The following SYT14 variants were observed in gnomAD, a reference collection of about 807,000 sequenced individuals.
SYT14 encodes synaptotagmin-14.
A neutral mutation model predicts 74.2 loss-of-function variants in SYT14; 32 were observed. The observed-to-expected ratio is 0.43, with a 90% CI of 0.33 to 0.58. The LOEUF (loss-of-function observed/expected upper bound fraction) is 0.58. Ranked by LOEUF, SYT14 falls within the 20% of genes least tolerant of loss-of-function variation. The pLI is 0.05. For missense variants in SYT14, 791 were observed against 981.8 expected (o/e 0.81, Z 2.60); for synonymous variants, 298 against 337.7 (o/e 0.88, Z 1.29).
chr1:210,043,260 C>A (rs1191736024), intron 5 of SYT14, among the ~76,000 whole-genome samples: 1 of 151,984 alleles, frequency 6.6e-6, no homozygotes, highest in Non-Finnish European at 1.5e-5. Context: ...AGAAATGATA[C>A]CTTTCCATTA....
At chr1:210,125,720 C>T (rs1022112657) in intron 7 of SYT14, among the ~76,000 whole-genome samples, 4 of 152,112 alleles carry the variant, frequency 2.6e-5, no homozygotes, top group Non-Finnish European at 5.9e-5. Flanking sequence ...TTCACTGATT[C>T]CTGACTGATG....
chr1:209,994,686 C>T (rs961344369), intron 2 of SYT14, among the ~76,000 whole-genome samples: 1 of 152,062 alleles, frequency 6.6e-6, no homozygotes, highest in African/African-American at 2.4e-5. Context: ...AGCACATAGC[C>T]ATCAGATTCA....
At chr1:209,957,514 C>T (rs543585496) in intron 2 of SYT14, among the ~76,000 whole-genome samples, 1 of 152,174 alleles carries the variant, frequency 6.6e-6, no homozygotes, top group African/African-American at 2.4e-5. Flanking sequence ...GCAATCTCCA[C>T]CTCCTGGGTT....
chr1:210,136,846 A>G (rs2082796426), intron 7 of SYT14, among the ~76,000 whole-genome samples: 1 of 152,186 alleles, frequency 6.6e-6, no homozygotes. Flanking sequence ...GCAGACTGTT[A>G]GAAGGATCAT....
At chr1:210,015,842 T>G in exon 4 of SYT14, 1 of 1,193,442 alleles carries the variant, frequency 8.4e-7, no homozygotes, top group South Asian at 4.4e-5. Context: ...TTTCAATGCA[T>G]AATGTATTTA....
chr1:210,103,948 A>G (rs2082115506), intron 7 of SYT14, among the ~76,000 whole-genome samples: 1 of 152,192 alleles, frequency 6.6e-6, no homozygotes. Flanking sequence ...CTACCTCCCT[A>G]AGGTAAGCCA....
chr1:209,970,526 G>A lies in SYT14; in HGVS notation c.-486+17770G>A, dbSNP rs1466756662. Among the ~76,000 whole-genome samples the A allele has an allele frequency of 2.6e-5, 4 of 151,866 alleles. No homozygotes were observed. The South Asian group carries it at 6.2e-4, about 24-fold the overall frequency. On this transcript the variant is annotated intron_variant, in intron 2 of 9. Coordinates refer to ENST00000637265, the Ensembl canonical transcript of SYT14. ...CATCCAGCTTTATTCTTTTTGCTTA[G>A]GATGGCTTTCACTATTTGGGCTCTT...
intron 2 of SYT14, among the ~76,000 whole-genome samples, chr1:209,992,949 CCT>C (rs1328660215): frequency 1.3e-5 from 2 of 152,088 alleles, no homozygotes; most frequent in Non-Finnish European, 2.9e-5. Flanking sequence ...CTTAAGAGCT[CCT>C]GGGAAAGAGG....
rs2083333091 is a variant in SYT14 at position 210,159,547 on chromosome 1, G to A, written c.2281+70G>A. 4.4e-6 allele frequency: 6 copies of A among 1,353,022 alleles called. No individual in the cohort carries two copies. The South Asian group carries it at 6.2e-5, about 14-fold the overall frequency. 83.8% of individuals were successfully genotyped at this position (1,353,022 alleles called of 1,614,324 possible). The stretch of plus-strand genomic sequence containing the variant: ...AACCAAAATACCCTAAAACTTGCCA[G>A]CAGTGAAGCTGTCCACCATGTTGGT... On this transcript the variant is annotated intron_variant, in intron 9 of 9. Transcript: ENST00000637265.
chr1:210,094,360 G>T, exon 6 of SYT14: 1 of 1,613,894 alleles, frequency 6.2e-7, no homozygotes, highest in Non-Finnish European at 8.5e-7. Flanking sequence ...ACCCCCGCTG[G>T]ATGAATTGCA....
At chr1:209,959,323 T>C (rs1306076675) in intron 2 of SYT14, among the ~76,000 whole-genome samples, 1 of 152,026 alleles carries the variant, frequency 6.6e-6, no homozygotes, top group African/African-American at 2.4e-5. Flanking sequence ...TTTGTATTTT[T>C]AGTAGAGATG....
At chr1:210,151,710 T>C (rs149287876) in intron 7 of SYT14, among the ~76,000 whole-genome samples, 2 of 152,294 alleles carry the variant, frequency 1.3e-5, no homozygotes, top group East Asian at 3.9e-4. Context: ...AGATAATAGT[T>C]TCTTGTGTTA....
chr1:210,056,430 A>G (rs2102397048), intron 5 of SYT14, among the ~76,000 whole-genome samples: 1 of 152,244 alleles, frequency 6.6e-6, no homozygotes, highest in African/African-American at 2.4e-5. Flanking sequence ...TCAGGGAATC[A>G]GAATGAGGAG....
intron 2 of SYT14, among the ~76,000 whole-genome samples, chr1:209,986,891 G>T: frequency 6.6e-6 from 1 of 152,118 alleles, no homozygotes; most frequent in Admixed American, 6.5e-5. Context: ...CAAAGTGCTG[G>T]GATTACAGGC....
chr1:209,942,783 G>T (rs2078756580), intron 1 of SYT14, among the ~76,000 whole-genome samples: 1 of 152,036 alleles, frequency 6.6e-6, no homozygotes, highest in Non-Finnish European at 1.5e-5. Context: ...AGAAGACTCT[G>T]CAAACTGTTT....
rs7516986 is a variant in SYT14, at chr1:209,988,343, T to C, written c.-485-25290T>C. 9.8e-3 allele frequency among the ~76,000 whole-genome samples: 1,496 copies of C among 152,320 alleles called. 19 individuals carry two copies. The highest frequency in any genetic ancestry group is 0.054 in the Middle Eastern group (16 of 294). On this transcript the variant is annotated intron_variant, in intron 2 of 9. Coordinates refer to ENST00000637265, the Ensembl canonical transcript of SYT14. The stretch of plus-strand genomic sequence containing the variant: ...TTACCACATTCGATCATTCCTCTGG[T>C]TCTTCAAACCCATGGAATATATCAT...
exon 4 of SYT14, chr1:210,016,612 T>G: frequency 1.6e-6 from 2 of 1,231,902 alleles, no homozygotes; most frequent in Non-Finnish European, 2.0e-6. Context: ...ATCAGAAGAA[T>G]GCCAACGGAA....
chr1:210,035,051 T>C (rs1367570556), intron 5 of SYT14, among the ~76,000 whole-genome samples: 3 of 151,902 alleles, frequency 2.0e-5, no homozygotes, highest in Non-Finnish European at 2.9e-5. Flanking sequence ...GAAATCTACA[T>C]ACTGTTTTCC....
intron 4 of SYT14, among the ~76,000 whole-genome samples, chr1:210,017,571 A>T (rs1257864109): frequency 6.6e-6 from 1 of 152,184 alleles, no homozygotes; most frequent in African/African-American, 2.4e-5. Flanking sequence ...TTTATTCAAT[A>T]ATGTGGTTCA....
Sources: allele counts gnomAD v4.1 joint callset (sites outside exome capture counted in the v4.1 genomes callset), GRCh38; gene constraint gnomAD v4.1.1; transcripts MANE v1.5; gene names NCBI Gene and HGNC (gene_info 2026-07-23, HGNC 2026-07-21).